AQP7B: variants seen among roughly 807,000 people sequenced by gnomAD.
The protein encoded by AQP7B is putative aquaporin-7B.
At chr2:94,602,611 C>T in the AQP7B span, 1 of 1,594,516 alleles carries the variant, frequency 6.3e-7, no homozygotes, top group Non-Finnish European at 8.6e-7. Flanking sequence ...CAGGCCGCAT[C>T]TCTGGTGAGT....
chr2:94,599,710 T>C, the AQP7B span, among the ~76,000 whole-genome samples: 3 of 152,072 alleles, frequency 2.0e-5, no homozygotes, highest in African/African-American at 7.2e-5. Context: ...CGTCCCTCTC[T>C]CAGCGTATAA....
chr2:94,597,977 G>A, the AQP7B span, among the ~76,000 whole-genome samples: 11 of 152,104 alleles, frequency 7.2e-5, no homozygotes, highest in Admixed American at 7.2e-4. Flanking sequence ...TTTAAAGACT[G>A]GCTTGTTAAT....
At chr2:94,599,247 C>A in the AQP7B span, among the ~76,000 whole-genome samples, 1 of 152,128 alleles carries the variant, frequency 6.6e-6, no homozygotes. Flanking sequence ...CCTCACTCCC[C>A]CCGGCACCCC....
chr2:94,602,651 C>T, the AQP7B span: 1 of 1,554,578 alleles, frequency 6.4e-7, no homozygotes. Context: ...CTGGGCAAGA[C>T]CAGGTGTCCC....
chr2:94,603,795 G>A, the AQP7B span: 13 of 1,527,330 alleles, frequency 8.5e-6, no homozygotes, highest in South Asian at 2.3e-5. Context: ...GAACACACGC[G>A]CTGGTGATAA....
At chr2:94,597,193 G>A in the AQP7B span, among the ~76,000 whole-genome samples, 2 of 152,142 alleles carry the variant, frequency 1.3e-5, no homozygotes, top group African/African-American at 4.8e-5. Flanking sequence ...GAGCTGTGAG[G>A]ACAGCAGTTG....
At chr2:94,602,967 G>A in the AQP7B span, 7 of 1,481,960 alleles carry the variant, frequency 4.7e-6, no homozygotes, top group African/African-American at 8.3e-5. Flanking sequence ...AGCCATCGTT[G>A]TTCTCATACT....
the AQP7B span, chr2:94,594,599 G>C: frequency 1.6e-6 from 1 of 614,860 alleles, no homozygotes; most frequent in South Asian, 2.0e-5. Flanking sequence ...TCCAATTCCA[G>C]CTGTCCCAGC....
chr2:94,594,720 C>T, the AQP7B span: 65 of 1,489,108 alleles, frequency 4.4e-5, no homozygotes, highest in Non-Finnish European at 5.7e-5. Flanking sequence ...CCTTTCTGTC[C>T]CTGGGCTCGG....
the AQP7B span, among the ~76,000 whole-genome samples, chr2:94,600,027 C>A: frequency 1.3e-5 from 2 of 151,990 alleles, no homozygotes; most frequent in Admixed American, 1.3e-4. Flanking sequence ...TACAGGCAAG[C>A]ACCACCACGC....
the AQP7B span, chr2:94,603,599 A>G: frequency 7.3e-7 from 1 of 1,372,314 alleles, no homozygotes; most frequent in Non-Finnish European, 1.0e-6. Context: ...AGAACTCTGG[A>G]TGGAGACTGT....
chr2:94,587,494 G>C, the AQP7B span, among the ~76,000 whole-genome samples: 1 of 152,326 alleles, frequency 6.6e-6, no homozygotes, highest in Admixed American at 6.5e-5. Context: ...GTACCATACA[G>C]TGAGGAGGTG....
the AQP7B span, chr2:94,603,531 C>T: frequency 2.5e-6 from 4 of 1,587,812 alleles, no homozygotes; most frequent in Non-Finnish European, 3.4e-6. Flanking sequence ...TACCCCTCCC[C>T]CTGCCCTCCA....
the AQP7B span, among the ~76,000 whole-genome samples, chr2:94,600,740 A>AT: frequency 6.6e-6 from 1 of 152,176 alleles, no homozygotes; most frequent in East Asian, 1.9e-4. Flanking sequence ...ATAGTTGGGC[A>AT]TGGTGGCGTG....
At chr2:94,604,366 C>A in the AQP7B span, 1 of 1,611,298 alleles carries the variant, frequency 6.2e-7, no homozygotes, top group African/African-American at 1.3e-5. Flanking sequence ...TCTACCTGGT[C>A]TTCATTGGCT....
the AQP7B span, among the ~76,000 whole-genome samples, chr2:94,597,612 G>GT: frequency 0.032 from 4,044 of 127,302 alleles, 65 homozygotes; most frequent in African/African-American, 0.048. Flanking sequence ...AGTCTTTTTT[G>GT]TTTTTTTTTT....
the AQP7B span, chr2:94,594,907 T>C: frequency 3.9e-6 from 5 of 1,271,650 alleles, no homozygotes; most frequent in Non-Finnish European, 5.7e-6. Flanking sequence ...TGGGTGGGGC[T>C]CCACCAGGGC....
At chr2:94,604,449 C>T in the AQP7B span, 1 of 1,611,486 alleles carries the variant, frequency 6.2e-7, no homozygotes. Context: ...ACCGTATTGC[C>T]CAAGATGGGA....
chr2:94,603,321 T>A, the AQP7B span: 1 of 1,522,456 alleles, frequency 6.6e-7, no homozygotes, highest in East Asian at 2.3e-5. Flanking sequence ...ATAACCTCAT[T>A]TCTGGGACCC....
Sources: allele counts gnomAD v4.1 joint callset (sites outside exome capture counted in the v4.1 genomes callset), GRCh38; gene constraint gnomAD v4.1.1; transcripts MANE v1.5; gene names NCBI Gene and HGNC (gene_info 2026-07-23, HGNC 2026-07-21).